MTMR10: variants seen among roughly 807,000 people sequenced by gnomAD.
MTMR10 encodes the protein myotubularin related protein 10, also known as myotubularin-related protein 10.
MTMR10 carries 56 observed loss-of-function variants against 88.1 expected under a neutral mutation model. The ratio of observed to expected loss-of-function variants is 0.64; its 90% confidence interval spans 0.51 to 0.79. The LOEUF is 0.79. Among genes scored for constraint, MTMR10 ranks in the 30% least tolerant of loss-of-function variants. The probability of loss-of-function intolerance (pLI) is 0.00; values close to 1 mark genes in which losing one functional copy is unlikely to be tolerated. For missense variants in MTMR10, 883 were observed against 924.7 expected (o/e 0.95, Z 0.58); for synonymous variants, 380 against 340.9 (o/e 1.11, Z -1.26).
intron 2 of MTMR10, among the ~76,000 whole-genome samples, chr15:30,984,388 G>A (rs924740568): frequency 1.3e-5 from 2 of 152,186 alleles, no homozygotes; most frequent in Non-Finnish European, 2.9e-5. Flanking sequence ...TGTTCTGAGG[G>A]TGTGTTACAA....
intron 6 of MTMR10, among the ~76,000 whole-genome samples, chr15:30,963,854 C>G (rs903570616): frequency 5.3e-5 from 8 of 152,152 alleles, no homozygotes; most frequent in Non-Finnish European, 1.0e-4. Flanking sequence ...AAAGCCCAAT[C>G]TATACAGTGT....
At chr15:30,951,840 G>A in intron 12 of MTMR10, 128 bp downstream of exon 12, 1 of 768,814 alleles carries the variant, frequency 1.3e-6, no homozygotes, top group South Asian at 1.7e-5. Flanking sequence ...AATCTGTAAT[G>A]TATTTGATGG....
Position 30,940,100 on chromosome 15 carries a change from A to G in MTMR10, c.*1370T>C. 1 of 984,906 alleles carries G rather than the reference A, an allele frequency of 1.0e-6. No individual in the cohort carries two copies. The highest frequency in any genetic ancestry group is 4.7e-5 in the South Asian group (1 of 21,288). 61.0% of individuals were successfully genotyped at this position (984,906 alleles called of 1,614,324 possible). A position where few individuals can be genotyped will look rare whatever the true frequency, so the allele number is the denominator to read the frequency against. The stretch of plus-strand genomic sequence containing the variant: ...ATAAGCTAACTAGACACTTTACTAT[A>G]AAAATTTTCCATATCTTAGGATGGC... On this transcript the variant is annotated 3_prime_UTR_variant, in exon 16 of 16. Transcript: ENST00000435680.
At chr15:30,988,172 G>C (rs547773887) in intron 2 of MTMR10, among the ~76,000 whole-genome samples, 14 of 152,282 alleles carry the variant, frequency 9.2e-5, no homozygotes, top group African/African-American at 3.4e-4. Context: ...AGATGTGACA[G>C]GCGAGGTAAA....
Position 30,939,364 on chromosome 15 carries a change from C to G in MTMR10, c.*2106G>C, listed in dbSNP as rs2062961422. ...GGGCAGCAGGGGTGCTGAGCTCTCT[C>G]TAGTGCGCCCTGTGCAGCCACACCA... On this transcript the variant is annotated 3_prime_UTR_variant, in exon 16 of 16. Transcript: ENST00000435680. 1.0e-6 allele frequency: 1 copy of G among 985,358 alleles called. No individual in the cohort carries two copies. The highest frequency in any genetic ancestry group is 4.7e-5 in the South Asian group (1 of 21,298). 61.0% of individuals were successfully genotyped at this position (985,358 alleles called of 1,614,324 possible). A position where few individuals can be genotyped will look rare whatever the true frequency, so the allele number is the denominator to read the frequency against.
chr15:30,920,672 G>A, the MTMR10 span: 2 of 1,422,394 alleles, frequency 1.4e-6, no homozygotes, highest in Non-Finnish European at 2.0e-6. Context: ...ACAGGTCCCT[G>A]CCCCCCACCA....
chr15:30,980,959 C>T (rs2030528980), intron 2 of MTMR10, among the ~76,000 whole-genome samples: 2 of 152,158 alleles, frequency 1.3e-5, no homozygotes, highest in African/African-American at 4.8e-5. Flanking sequence ...AAATCTTCCT[C>T]ACAGAAGAAT....
chr15:30,983,152 C>T (rs2030700994), intron 2 of MTMR10, among the ~76,000 whole-genome samples: 1 of 152,190 alleles, frequency 6.6e-6, no homozygotes, highest in Non-Finnish European at 1.5e-5. Flanking sequence ...CACCAGACTC[C>T]TCTCTCCCAG....
intron 3 of MTMR10, 77 bp downstream of exon 3, chr15:30,976,742 C>T (rs1280155720): frequency 1.4e-6 from 2 of 1,452,288 alleles, no homozygotes; most frequent in South Asian, 1.4e-5. Flanking sequence ...TTTTCCATAC[C>T]TATGTTTTAT....
At chr15:30,925,747 G>C in the MTMR10 span, 1 of 1,608,780 alleles carries the variant, frequency 6.2e-7, no homozygotes, top group South Asian at 1.1e-5. Flanking sequence ...AGGGACTTTT[G>C]CTGACCTGAG....
rs752217083 is a variant in MTMR10, at chr15:30,941,569, C to T, written c.2235G>A (p.Gly745=). 1.0e-5 allele frequency: 16 copies of T among 1,600,890 alleles called. No individual in the cohort carries two copies. The highest frequency in any genetic ancestry group is 8.5e-7 in the Non-Finnish European group (1 of 1,173,212). The part of the protein sequence containing the change: ...LSSSFPFSPV[G]NLCRRSILGT... The stretch of plus-strand genomic sequence containing the variant: ...CTAAAATGCTTCGTCTGCACAGATT[C>T]CCTACAGGAGAAAATGGAAATGAGG... The change falls in exon 16 of 16, where the codon GGG becomes GGA. Residue 745 remains glycine (G), a synonymous_variant. Transcript: ENST00000435680.
chr15:30,942,289 G>A, intron 15 of MTMR10: 2 of 616,896 alleles, frequency 3.2e-6, no homozygotes, highest in Admixed American at 6.2e-5. Flanking sequence ...CTATCAGCCT[G>A]AATGGGGGCG....
Position 30,974,375 on chromosome 15 carries a change from CAATA to C in MTMR10, c.409_412del (p.Tyr137ValfsTer26). Reference sequence around the variant, plus strand: ...AAATCTGACAATTCTGAAATCTTTACAATAAATAATTAACTCTGTTGGATTAAAT... The same window carrying C: ...AAATCTGACAATTCTGAAATCTTTACAATAATTAACTCTGTTGGATTAAAT... On this transcript the variant is annotated frameshift_variant, in exon 5 of 16. Transcript: ENST00000435680. LOFTEE classifies it high-confidence loss of function. 1.2e-6 allele frequency: 2 copies of C among 1,608,238 alleles called. No individual in the cohort carries two copies. Among genetic ancestry groups the C allele is most frequent in the South Asian group, 1.1e-5 (1 of 90,380 alleles).
At chr15:30,943,579 G>A (rs932610501) in intron 14 of MTMR10, 16 of 984,542 alleles carry the variant, frequency 1.6e-5, no homozygotes. Context: ...ACAGACCACA[G>A]ACTCAGGGTA....
intron 2 of MTMR10, among the ~76,000 whole-genome samples, chr15:30,984,685 C>G (rs536166944): frequency 6.6e-6 from 1 of 152,250 alleles, no homozygotes; most frequent in African/African-American, 2.4e-5. Flanking sequence ...CTTTTCTGAT[C>G]CGATTACAAA....
At chr15:30,945,270 A>G (rs1254913746) in intron 14 of MTMR10, among the ~76,000 whole-genome samples, 4 of 152,346 alleles carry the variant, frequency 2.6e-5, no homozygotes, top group Non-Finnish European at 5.9e-5. Context: ...ATTTGTCAGA[A>G]AAGGCTTTTG....
chr15:30,988,060 T>C (rs2031066433), intron 2 of MTMR10, among the ~76,000 whole-genome samples: 2 of 152,170 alleles, frequency 1.3e-5, no homozygotes, highest in Non-Finnish European at 2.9e-5. Context: ...CTAGTCTAGG[T>C]CTTTAGATCA....
Position 30,941,214 on chromosome 15 carries a change from G to C in MTMR10, c.*256C>G, listed in dbSNP as rs2063037168. The stretch of plus-strand genomic sequence containing the variant: ...AATGGATGGAGACAAAAATGTAGCA[G>C]ACAACATGAACAGTTTGATCACGGT... On this transcript the variant is annotated 3_prime_UTR_variant, in exon 16 of 16. Transcript: ENST00000435680. The C allele has an allele frequency of 5.0e-6, 7 of 1,386,734 alleles. No homozygotes were observed. The highest frequency in any genetic ancestry group is 4.3e-5 in the African/African-American group (3 of 69,530). The allele number at this position is 1,386,734 out of a possible 1,614,324, so 85.9% of individuals were successfully genotyped here. A position where few individuals can be genotyped will look rare whatever the true frequency, so the allele number is the denominator to read the frequency against.
Position 30,948,474 on chromosome 15 carries a change from G to C in MTMR10, c.1208-3C>G. 6.3e-7 allele frequency: 1 copy of C among 1,595,670 alleles called. No homozygotes were observed. Among genetic ancestry groups the C allele is most frequent in the Admixed American group, 1.8e-5 (1 of 56,364 alleles). ...GCTCAAGTCTCTTCCTTCCTCCTCT[G>C]TTAATAAAATGGAAAGAAAATGATT... On this transcript the variant is annotated splice_polypyrimidine_tract_variant and splice_region_variant and intron_variant, in intron 12 of 15. Coordinates refer to ENST00000435680, the MANE Select transcript of MTMR10 (RefSeq NM_017762.3).
Sources: gnomAD v4.1 joint callset for allele counts (sites outside exome capture counted in the v4.1 genomes callset) on GRCh38, gnomAD v4.1.1 for gene constraint, MANE v1.5 for transcripts, NCBI Gene and HGNC (gene_info 2026-07-23, HGNC 2026-07-21) for gene names.